The following LRRC7 variants were observed in gnomAD, a reference collection of about 807,000 sequenced individuals.
LRRC7 encodes the protein leucine-rich repeat-containing protein 7.
A neutral mutation model predicts 175.7 loss-of-function variants in LRRC7; 23 were observed. The observed-to-expected ratio is 0.13, with a 90% CI of 0.09 to 0.19. The LOEUF (loss-of-function observed/expected upper bound fraction) is 0.19. Ranked by LOEUF, LRRC7 falls within the 10% of genes least tolerant of loss-of-function variation. The probability of loss-of-function intolerance (pLI) is 1.00; values close to 1 mark genes in which losing one functional copy is unlikely to be tolerated. For missense variants in LRRC7, 1,354 were observed against 1,904.7 expected (o/e 0.71, Z 5.38); for synonymous variants, 685 against 680.9 (o/e 1.01, Z -0.09).
In LRRC7 at chr1:70,143,003, AAAG is replaced by A. The variant is rs1037720201; in HGVS notation, c.*21120_*21122del. 1 of 152,112 alleles carries A rather than the reference AAAG, an allele frequency of 6.6e-6. No individual in the cohort carries two copies. Among genetic ancestry groups the A allele is most frequent in the Admixed American group, 6.6e-5 (1 of 15,264 alleles). The allele number at this position is 152,112 out of a possible 1,614,324, so 9.4% of individuals were successfully genotyped here. On this transcript the variant is annotated 3_prime_UTR_variant, in exon 27 of 27. Coordinates refer to ENST00000651989, the MANE Select transcript of LRRC7 (RefSeq NM_001370785.2). ...GGGCATAATCCTTTTACTACTCTATAAAGAAGTTCTACTTCTACCTATATGAAT... is the reference window on the plus strand; with the variant it reads ...GGGCATAATCCTTTTACTACTCTATAAAGTTCTACTTCTACCTATATGAAT...
At chr1:69,623,857 C>T (rs1651054702) in intron 1 of LRRC7, among the ~76,000 whole-genome samples, 1 of 152,128 alleles carries the variant, frequency 6.6e-6, no homozygotes. Flanking sequence ...TTATGAAATT[C>T]AGTTTATCCA....
chr1:69,980,376 C>A lies in LRRC7; in HGVS notation c.712-3C>A, dbSNP rs373319851. On this transcript the variant is annotated splice_polypyrimidine_tract_variant and splice_region_variant and intron_variant, in intron 8 of 26. Coordinates refer to ENST00000651989, the MANE Select transcript of LRRC7 (RefSeq NM_001370785.2). The stretch of plus-strand genomic sequence containing the variant: ...CTCTCCTTCCTCCCCACTTCTCTCC[C>A]AGCCTGAAGTTCTGGATCAAATACA... 1.2e-6 allele frequency: 2 copies of A among 1,610,266 alleles called. No individual in the cohort carries two copies. Among genetic ancestry groups the A allele is most frequent in the East Asian group, 2.2e-5 (1 of 44,694 alleles).
At position 70,028,325 on chromosome 1, in the gene LRRC7, A is replaced by C. The variant is rs750056767; in HGVS notation, c.1949A>C (p.Lys650Thr). 7 of 1,613,602 alleles carry C rather than the reference A, an allele frequency of 4.3e-6. No homozygotes were observed. The highest frequency in any genetic ancestry group is 5.9e-6 in the Non-Finnish European group (7 of 1,179,772). The change falls in exon 18 of 27, where the codon AAA (lysine) becomes ACA (threonine). Residue 650 changes from lysine (K) to threonine (T), a missense_variant. Physicochemically the swap from Lys to Thr is moderately conservative, Grantham distance 78 (BLOSUM62 -1). Coordinates refer to ENST00000651989, the MANE Select transcript of LRRC7 (RefSeq NM_001370785.2). ...AACACGGAGCAAACTGTGAAAGAAA[A>C]ATATGAACACAAGTGGCCGGTAGCC... is the stretch of plus-strand genomic sequence containing the variant. ...TANTEQTVKE[K>T]YEHKWPVAPK...
At chr1:69,661,844 C>T (rs1657521430) in intron 1 of LRRC7, among the ~76,000 whole-genome samples, 1 of 152,104 alleles carries the variant, frequency 6.6e-6, no homozygotes, top group Non-Finnish European at 1.5e-5. Flanking sequence ...TATTTGCCAG[C>T]TCTCCTCATT....
At position 70,076,096 on chromosome 1, in the gene LRRC7, C is replaced by T. The variant is rs951900790; in HGVS notation, c.4250C>T (p.Thr1417Met). Reference sequence around the variant, plus strand: ...CCACAGGCAGGCAGCCACATCCAGACGTTGATGGGGTCCCAAAGCCTTCAG... The same window carrying T: ...CCACAGGCAGGCAGCCACATCCAGATGTTGATGGGGTCCCAAAGCCTTCAG... The part of the protein sequence containing the change: ...ITKKAGSHIQ[T>M]LMGSQSLQHR... Residue 1417 changes from threonine (T) to methionine (M), a missense_variant, in exon 24 of 27, where the codon ACG becomes ATG. This residue lies in a region of LRRC7 where 1,032 missense variants were observed against 1,227.2 expected (regional missense o/e 0.84). Coordinates refer to ENST00000651989, the MANE Select transcript of LRRC7 (RefSeq NM_001370785.2). 3.7e-6 allele frequency: 6 copies of T among 1,613,686 alleles called. No individual in the cohort carries two copies. The highest frequency in any genetic ancestry group is 1.7e-5 in the Admixed American group (1 of 60,000).
At chr1:69,939,035 A>ATATATATATATC (rs1553178500) in intron 8 of LRRC7, among the ~76,000 whole-genome samples, 1 of 97,630 alleles carries the variant, frequency 1.0e-5, no homozygotes, top group African/African-American at 3.6e-5. Context: ...ATATATCTAT[A>ATATATATATATC]TATATCTATA....
intron 4 of LRRC7, among the ~76,000 whole-genome samples, chr1:69,820,823 G>C (rs6424597): frequency 0.64 from 97,796 of 152,028 alleles, 31,679 homozygotes; most frequent in East Asian, 0.78. Context: ...AATAGACATA[G>C]ATGTGCATGT....
At chr1:69,931,781 T>C (rs1174882716) in intron 8 of LRRC7, among the ~76,000 whole-genome samples, 4 of 152,222 alleles carry the variant, frequency 2.6e-5, no homozygotes, top group African/African-American at 9.6e-5. Flanking sequence ...GGACCAACTA[T>C]GTGACAGGTG....
chr1:70,041,448 C>T (rs1407612200), intron 21 of LRRC7, among the ~76,000 whole-genome samples: 2 of 152,230 alleles, frequency 1.3e-5, no homozygotes, highest in African/African-American at 4.8e-5. Flanking sequence ...AAGGGAGCCT[C>T]ATCAAAGCCT....
chr1:70,107,663 T>C (rs1665237422), intron 25 of LRRC7, 89 bp from the exon 26 acceptor site: 2 of 935,688 alleles, frequency 2.1e-6, no homozygotes, highest in African/African-American at 1.6e-5. Flanking sequence ...TGGATCTGTT[T>C]TCACTGTTTT....
At position 69,819,703 on chromosome 1, in the gene LRRC7, A is replaced by G. The variant is rs144907247; in HGVS notation, c.422-6045A>G. 4.0e-3 allele frequency among the ~76,000 whole-genome samples: 612 copies of G among 151,556 alleles called. 5 individuals are homozygous for G. Among genetic ancestry groups the G allele is most frequent in the African/African-American group, 0.014 (564 of 41,328 alleles). ...TTTCATTTCTCCTTTCAGTCTGTCAATGCTTGCTTCATATATTTAGGTTAT... is the reference window on the plus strand; with the variant it reads ...TTTCATTTCTCCTTTCAGTCTGTCAGTGCTTGCTTCATATATTTAGGTTAT... On this transcript the variant is annotated intron_variant, in intron 4 of 26. Coordinates refer to ENST00000651989, the MANE Select transcript of LRRC7 (RefSeq NM_001370785.2).
chr1:69,918,661 A>G (rs1163310860), intron 7 of LRRC7, among the ~76,000 whole-genome samples: 1 of 152,210 alleles, frequency 6.6e-6, no homozygotes, highest in Non-Finnish European at 1.5e-5. Flanking sequence ...AGAAATAAGA[A>G]TGTAATATTT....
intron 7 of LRRC7, among the ~76,000 whole-genome samples, chr1:69,915,278 C>A (rs1557883082): frequency 6.6e-6 from 1 of 152,154 alleles, no homozygotes; most frequent in Non-Finnish European, 1.5e-5. Flanking sequence ...CAGAGCCTAA[C>A]AGGTCAGAGT....
At chr1:69,778,262 T>C (rs999122502) in intron 3 of LRRC7, among the ~76,000 whole-genome samples, 9 of 152,206 alleles carry the variant, frequency 5.9e-5, no homozygotes, top group African/African-American at 2.2e-4. Context: ...TGGCAATTAT[T>C]CATTCTCTAT....
chr1:69,588,999 G>A (rs1234436185), intron 1 of LRRC7, among the ~76,000 whole-genome samples: 2 of 151,398 alleles, frequency 1.3e-5, no homozygotes, highest in Non-Finnish European at 2.9e-5. Flanking sequence ...GTGTGTGTGT[G>A]TGTGTGTGTG....
chr1:70,090,561 T>C (rs1558060389), intron 25 of LRRC7, among the ~76,000 whole-genome samples: 1 of 152,106 alleles, frequency 6.6e-6, no homozygotes, highest in Non-Finnish European at 1.5e-5. Flanking sequence ...CCTGCTACCA[T>C]CAGTGTTTAA....
At chr1:69,670,215 T>A (rs1420779858) in intron 1 of LRRC7, among the ~76,000 whole-genome samples, 1 of 152,160 alleles carries the variant, frequency 6.6e-6, no homozygotes, top group Non-Finnish European at 1.5e-5. Flanking sequence ...TTTGTGCCCA[T>A]CCTTCCTGGG....
At chr1:69,904,815 C>A (rs1646246607) in intron 7 of LRRC7, among the ~76,000 whole-genome samples, 1 of 152,102 alleles carries the variant, frequency 6.6e-6, no homozygotes, top group Non-Finnish European at 1.5e-5. Flanking sequence ...TCTATTCTCA[C>A]CCTCCTCCCA....
intron 7 of LRRC7, among the ~76,000 whole-genome samples, chr1:69,924,888 T>G (rs955818723): frequency 1.8e-3 from 267 of 152,266 alleles, no homozygotes; most frequent in Non-Finnish European, 3.2e-3. Context: ...AGTTTTCAAA[T>G]GGAATGCTTC....
Sources: gnomAD v4.1 joint callset for allele counts (sites outside exome capture counted in the v4.1 genomes callset) on GRCh38, gnomAD v4.1.1 for gene constraint, gnomAD v4.1.1 regional missense constraint, MANE v1.5 for transcripts, NCBI Gene and HGNC (gene_info 2026-07-23, HGNC 2026-07-21) for gene names.